The following APP variants were observed in gnomAD, a reference collection of about 807,000 sequenced individuals.
APP encodes amyloid-beta precursor protein.
APP carries 31 observed loss-of-function variants against 101.4 expected under a neutral mutation model. That is an observed-to-expected ratio of 0.31 (90% CI 0.23 to 0.41). The LOEUF is 0.41. Ranked by LOEUF, APP falls within the 10% of genes least tolerant of loss-of-function variation. The pLI is 1.00. For missense variants in APP, 839 were observed against 1,003.7 expected, an observed-to-expected ratio of 0.84 and a Z score of 2.22; for synonymous variants, 366 against 364.4, an observed-to-expected ratio of 1.00 and a Z score of -0.05.
At chr21:25,976,101 G>C (rs2042213647) in intron 9 of APP, 73 bp from the exon 10 acceptor site, 2 of 1,254,608 alleles carry the variant, frequency 1.6e-6, no homozygotes, top group Non-Finnish European at 2.3e-6. Flanking sequence ...TAGGATGGAT[G>C]ATTATGTTTT....
At position 25,954,786 on chromosome 21, in the gene APP, G is replaced by A. The variant is rs417676; in HGVS notation, c.1588-97C>T. 0.89 allele frequency: 963,311 copies of A among 1,083,022 alleles called. 432,724 individuals carry two copies. Among genetic ancestry groups the A allele is most frequent in the Non-Finnish European group, 0.93 (682,965 of 733,614 alleles). The allele number at this position is 1,083,022 out of a possible 1,614,324, so 67.1% of individuals were successfully genotyped here. On this transcript the variant is annotated intron_variant, in intron 12 of 17. Transcript: ENST00000346798. The stretch of plus-strand genomic sequence containing the variant: ...TCTTTTTTTTTTGAGACGGAGTCTC[G>A]CTCTGTCGCCCAGGTTATTTTTCTT...
chr21:25,938,753 C>A (rs1021495186), intron 13 of APP, among the ~76,000 whole-genome samples: 1 of 152,162 alleles, frequency 6.6e-6, no homozygotes, highest in Non-Finnish European at 1.5e-5. Context: ...AAGACACCGA[C>A]AAATACCAGA....
chr21:25,977,670 A>G (rs539304183), intron 9 of APP, among the ~76,000 whole-genome samples: 22 of 152,356 alleles, frequency 1.4e-4, no homozygotes, highest in Admixed American at 3.3e-4. Context: ...AGGAAACAAG[A>G]TGGAATAAAT....
chr21:25,974,455 T>C (rs1009195457), intron 11 of APP, among the ~76,000 whole-genome samples: 6 of 152,234 alleles, frequency 3.9e-5, no homozygotes, highest in Non-Finnish European at 7.4e-5. Context: ...TTGACATTAG[T>C]ACCCTTATAA....
chr21:25,889,616 G>A (rs549961937), intron 17 of APP, among the ~76,000 whole-genome samples: 5 of 152,250 alleles, frequency 3.3e-5, no homozygotes, highest in Non-Finnish European at 5.9e-5. Context: ...TGGGGAGGGC[G>A]GATCACTTGA....
intron 11 of APP, among the ~76,000 whole-genome samples, chr21:25,960,530 TTAGTATTTAAC>T (rs761594740): frequency 6.6e-6 from 1 of 152,138 alleles, no homozygotes; most frequent in Non-Finnish European, 1.5e-5. Context: ...TTTTTAGCTT[TTAGTATTTAAC>T]TGAACCACTC....
intron 5 of APP, among the ~76,000 whole-genome samples, chr21:26,042,552 A>G (rs1328833159): frequency 1.3e-5 from 2 of 152,196 alleles, no homozygotes; most frequent in Non-Finnish European, 2.9e-5. Context: ...TGTGCCACCT[A>G]CAAATTGAGC....
intron 13 of APP, among the ~76,000 whole-genome samples, chr21:25,915,863 T>C (rs1472785555): frequency 6.6e-6 from 1 of 152,234 alleles, no homozygotes; most frequent in Non-Finnish European, 1.5e-5. Flanking sequence ...GCCACCAGCA[T>C]GCTGAGCCCC....
chr21:26,065,943 T>G (rs757939540), intron 3 of APP, among the ~76,000 whole-genome samples: 5 of 152,086 alleles, frequency 3.3e-5, no homozygotes, highest in Non-Finnish European at 7.4e-5. Context: ...TCACCTGGGA[T>G]CCTGATCAGT....
intron 13 of APP, among the ~76,000 whole-genome samples, chr21:25,912,676 T>C (rs995671408): frequency 6.6e-6 from 1 of 152,084 alleles, no homozygotes; most frequent in Admixed American, 6.6e-5. Context: ...ACACCAAATA[T>C]CCTGCCTTTC....
At chr21:26,143,957 C>T (rs1267075073) in intron 1 of APP, among the ~76,000 whole-genome samples, 2 of 152,066 alleles carry the variant, frequency 1.3e-5, no homozygotes, top group African/African-American at 4.8e-5. Flanking sequence ...AAGACATATC[C>T]AAGACTCAGT....
intron 11 of APP, among the ~76,000 whole-genome samples, chr21:25,962,056 G>A (rs972171643): frequency 1.3e-5 from 2 of 152,120 alleles, no homozygotes; most frequent in Non-Finnish European, 2.9e-5. Context: ...ATATGGCAAA[G>A]AACAGAGGAA....
At chr21:26,040,994 A>C (rs1222545773) in intron 5 of APP, among the ~76,000 whole-genome samples, 1 of 152,218 alleles carries the variant, frequency 6.6e-6, no homozygotes, top group East Asian at 1.9e-4. Flanking sequence ...GAGGGCAAAA[A>C]AGGAAGCTAG....
intron 13 of APP, among the ~76,000 whole-genome samples, chr21:25,926,491 T>G (rs1464241871): frequency 6.6e-6 from 1 of 152,214 alleles, no homozygotes; most frequent in Non-Finnish European, 1.5e-5. Context: ...CCATGAGAAC[T>G]GCACTCATGG....
At chr21:25,950,015 G>A (rs1195812378) in intron 13 of APP, among the ~76,000 whole-genome samples, 1 of 152,200 alleles carries the variant, frequency 6.6e-6, no homozygotes, top group African/African-American at 2.4e-5. Context: ...TGCTGCCTTT[G>A]TGTGAAATGC....
intron 3 of APP, among the ~76,000 whole-genome samples, chr21:26,059,997 A>T (rs1294886904): frequency 6.6e-6 from 1 of 151,846 alleles, no homozygotes; most frequent in Non-Finnish European, 1.5e-5. Context: ...GGGAGAATTA[A>T]ATGAATTAAT....
chr21:25,928,373 A>ACAAAC, intron 13 of APP, among the ~76,000 whole-genome samples: 1 of 149,074 alleles, frequency 6.7e-6, no homozygotes, highest in South Asian at 2.2e-4. Flanking sequence ...AAACAAACAA[A>ACAAAC]AAAACCAAGT....
chr21:26,046,332 C>T (rs966041959), intron 5 of APP, among the ~76,000 whole-genome samples: 5 of 151,572 alleles, frequency 3.3e-5, no homozygotes, highest in Non-Finnish European at 7.4e-5. Context: ...ATCGTTTGAA[C>T]CCAGGAGGCA....
At chr21:26,028,428 A>G (rs1249511027) in intron 5 of APP, among the ~76,000 whole-genome samples, 1 of 152,188 alleles carries the variant, frequency 6.6e-6, no homozygotes, top group Non-Finnish European at 1.5e-5. Context: ...GCCGGAAGTG[A>G]TAGGTGGCTG....
Sources: gnomAD v4.1 joint callset for allele counts (sites outside exome capture counted in the v4.1 genomes callset) on GRCh38, gnomAD v4.1.1 for gene constraint, MANE v1.5 for transcripts, NCBI Gene and HGNC (gene_info 2026-07-23, HGNC 2026-07-21) for gene names.